The following PTP4A3 variants were observed in gnomAD, a reference collection of about 807,000 sequenced individuals.
PTP4A3 encodes the protein protein tyrosine phosphatase 4A3.
A neutral mutation model predicts 15.2 loss-of-function variants in PTP4A3; 9 were observed. The ratio of observed to expected loss-of-function variants is 0.59; its 90% CI spans 0.36 to 1.03. PTP4A3 has a LOEUF of 1.03. PTP4A3 is among the 50% of genes least tolerant of loss of function. The pLI is 0.02. For missense variants in PTP4A3, 234 were observed against 252.1 expected, an observed-to-expected ratio of 0.93 and a Z score of 0.49; for synonymous variants, 95 against 102.0, an observed-to-expected ratio of 0.93 and a Z score of 0.41.
chr8:141,409,048 T>A (rs1042154364), intron 1 of PTP4A3, among the ~76,000 whole-genome samples: 7 of 152,336 alleles, frequency 4.6e-5, no homozygotes, highest in South Asian at 4.1e-4. Flanking sequence ...GGCATTTGAT[T>A]CTGGAGGGTG....
At chr8:141,420,824 T>C (rs1833295872) in intron 1 of PTP4A3, among the ~76,000 whole-genome samples, 2 of 152,168 alleles carry the variant, frequency 1.3e-5, no homozygotes, top group Admixed American at 6.5e-5. Flanking sequence ...CACGGCCGCG[T>C]GTGGGGCCAG....
intron 1 of PTP4A3, among the ~76,000 whole-genome samples, chr8:141,395,835 C>T (rs1832437811): frequency 6.6e-6 from 1 of 152,122 alleles, no homozygotes; most frequent in Admixed American, 6.5e-5. Flanking sequence ...CTCCCATGCC[C>T]CCCGGCTCCT....
Position 141,426,963 on chromosome 8 carries a change from C to G in PTP4A3, c.223C>G (p.Pro75Ala), listed in dbSNP as rs972445016. 3.7e-6 allele frequency: 6 copies of G among 1,610,328 alleles called. No individual in the cohort carries two copies. The stretch of plus-strand genomic sequence containing the variant: ...GGACTGGCCGTTTGACGATGGGGCG[C>G]CCCCGCCCGGCAAGGTAGTGGAAGA... ...VVDWPFDDGA[P>A]PPGKVVEDWL... The change falls in exon 4 of 6, where the codon CCC (proline) becomes GCC (alanine). Residue 75 changes from proline to alanine, a missense_variant. Physicochemically the swap from Pro to Ala is conservative, Grantham distance 27. Transcript: ENST00000521578.
Position 141,421,380 on chromosome 8 carries a change from C to T in PTP4A3, c.-853-8C>T, listed in dbSNP as rs1419770004. ...CTTTCTATTCATTTCCTTCGTCTTT[C>T]CCCACAGATGCTGTGTGCTGTGGAC... On this transcript the variant is annotated splice_polypyrimidine_tract_variant and splice_region_variant and intron_variant, in intron 1 of 5. Coordinates refer to ENST00000521578, the MANE Select transcript of PTP4A3 (RefSeq NM_032611.3). 1 of 152,314 alleles carries T rather than the reference C, an allele frequency of 6.6e-6. No individual in the cohort carries two copies. The highest frequency in any genetic ancestry group is 1.5e-5 in the Non-Finnish European group (1 of 68,106). 9.4% of individuals were successfully genotyped at this position (152,314 alleles called of 1,614,324 possible).
chr8:141,424,512 C>T (rs1022165592), intron 2 of PTP4A3, among the ~76,000 whole-genome samples: 4 of 152,082 alleles, frequency 2.6e-5, no homozygotes, highest in Admixed American at 6.5e-5. Flanking sequence ...CAGCTGGGGT[C>T]GCTGTTCGGA....
Position 141,431,466 on chromosome 8 carries a change from A to C in PTP4A3, c.*422A>C. On this transcript the variant is annotated 3_prime_UTR_variant, in exon 6 of 6. Transcript: ENST00000521578. ...TGTTCTCGGCACCTTAAATTATTAG[A>C]CCCCGGGGCAGTCAGGTGCTCCGGA... The C allele has an allele frequency of 1.2e-5, 2 of 163,406 alleles. No individual in the cohort carries two copies. Among genetic ancestry groups the C allele is most frequent in the East Asian group, 1.8e-4 (1 of 5,490 alleles). 10.1% of individuals were successfully genotyped at this position (163,406 alleles called of 1,614,324 possible).
chr8:141,425,207 G>C lies in PTP4A3; in HGVS notation c.198+67G>C. 2 of 1,411,302 alleles carry C rather than the reference G, an allele frequency of 1.4e-6. No individual in the cohort carries two copies. The highest frequency in any genetic ancestry group is 2.0e-6 in the Non-Finnish European group (2 of 1,018,766). 87.4% of individuals were successfully genotyped at this position (1,411,302 alleles called of 1,614,324 possible). A position where few individuals can be genotyped will look rare whatever the true frequency, so the allele number is the denominator to read the frequency against. The stretch of plus-strand genomic sequence containing the variant: ...GGGGGAGGGTGGGGCGGGGGGCTCC[G>C]GGCCTGCGCAGAGGGTTTGGTGCCC... On this transcript the variant is annotated intron_variant, in intron 3 of 5. Coordinates refer to ENST00000521578, the MANE Select transcript of PTP4A3 (RefSeq NM_032611.3). This position sits in a 1 kb window ranked among gnomAD's most constrained non-coding sequence, Gnocchi z 4.2.
chr8:141,415,407 T>G (rs1833000212), intron 1 of PTP4A3, among the ~76,000 whole-genome samples: 1 of 150,816 alleles, frequency 6.6e-6, no homozygotes, highest in Non-Finnish European at 1.5e-5. Flanking sequence ...GGGACCGCCC[T>G]GTCCCCCGTG....
intron 1 of PTP4A3, among the ~76,000 whole-genome samples, chr8:141,393,340 T>C (rs1156500921): frequency 1.3e-5 from 2 of 152,178 alleles, no homozygotes; most frequent in Admixed American, 6.5e-5. Context: ...GAATTAGGCA[T>C]TGGGGATCTC....
chr8:141,396,090 G>A (rs532692900), intron 1 of PTP4A3, among the ~76,000 whole-genome samples: 10 of 152,302 alleles, frequency 6.6e-5, no homozygotes, highest in Admixed American at 3.3e-4. Flanking sequence ...CTGTAACCCC[G>A]TGCCATGTGA....
At chr8:141,429,432 C>T (rs1320088055) in intron 5 of PTP4A3, among the ~76,000 whole-genome samples, 1 of 152,270 alleles carries the variant, frequency 6.6e-6, no homozygotes. Context: ...GCAGCATCCT[C>T]TCCAGGAAGT....
chr8:141,425,766 T>G lies in PTP4A3; in HGVS notation c.198+626T>G, dbSNP rs933166466. Among the ~76,000 whole-genome samples, 1 of 152,184 alleles carries G rather than the reference T, an allele frequency of 6.6e-6. No individual in the cohort carries two copies. The highest frequency in any genetic ancestry group is 6.5e-5 in the Admixed American group (1 of 15,286). On this transcript the variant is annotated intron_variant, in intron 3 of 5. Coordinates refer to ENST00000521578, the MANE Select transcript of PTP4A3 (RefSeq NM_032611.3). The surrounding 1 kb of genome is among the most constrained non-coding windows in gnomAD (Gnocchi z 4.2). Reference sequence around the variant, plus strand: ...CTCCTCAGTGCGGAGCACCCCTCAGTCACTGCTTTTCATCCCAGGACTCTG... The same window carrying G: ...CTCCTCAGTGCGGAGCACCCCTCAGGCACTGCTTTTCATCCCAGGACTCTG...
chr8:141,424,228 C>A (rs572931595), intron 2 of PTP4A3, among the ~76,000 whole-genome samples: 2 of 152,202 alleles, frequency 1.3e-5, no homozygotes, highest in Non-Finnish European at 1.5e-5. Flanking sequence ...TGATTCCTCA[C>A]CCCTCCCAAA....
chr8:141,406,480 G>T lies in PTP4A3; in HGVS notation c.-854+14396G>T, dbSNP rs1832727017. Among the ~76,000 whole-genome samples the T allele has an allele frequency of 6.6e-6, 1 of 151,996 alleles. No homozygotes were observed. Among genetic ancestry groups the T allele is most frequent in the Admixed American group, 6.6e-5 (1 of 15,256 alleles). On this transcript the variant is annotated intron_variant, in intron 1 of 5. Transcript: ENST00000521578. This position sits in a 1 kb window ranked among gnomAD's most constrained non-coding sequence, Gnocchi z 4.5. ...AGCAGTTCCCTGGGGTGTCCCCCTG[G>T]GAAGTCCTGCCCTCCTGCCTCTGGC...
chr8:141,414,061 CGTGTGTGT>C (rs10571256), intron 1 of PTP4A3, among the ~76,000 whole-genome samples: 14 of 150,168 alleles, frequency 9.3e-5, no homozygotes, highest in African/African-American at 3.4e-4. Context: ...GTTTCTGTGG[CGTGTGTGT>C]GTGTGTGTGT....
intron 2 of PTP4A3, among the ~76,000 whole-genome samples, chr8:141,424,283 C>A (rs1034823777): frequency 1.3e-5 from 2 of 152,214 alleles, no homozygotes; most frequent in Non-Finnish European, 2.9e-5. Context: ...CCGCACGTGA[C>A]CCCTGTGGAG....
intron 1 of PTP4A3, among the ~76,000 whole-genome samples, chr8:141,404,341 G>T (rs1206515675): frequency 1.3e-5 from 2 of 152,278 alleles, no homozygotes; most frequent in Non-Finnish European, 2.9e-5. Context: ...CTTTCAGGGG[G>T]TTGGGGTAGA....
chr8:141,424,975 T>A, intron 2 of PTP4A3, 73 bp from the exon 3 acceptor site: 1 of 1,305,106 alleles, frequency 7.7e-7, no homozygotes, highest in Non-Finnish European at 1.1e-6. Context: ...CTGGGAGCCC[T>A]GGTGAGTGGG....
intron 1 of PTP4A3, among the ~76,000 whole-genome samples, chr8:141,419,487 C>T (rs890890426): frequency 7.2e-5 from 11 of 152,068 alleles, no homozygotes; most frequent in Admixed American, 2.6e-4. Context: ...TCCCTCCAGT[C>T]GGGCAAGGTG....
Sources: gnomAD v4.1 joint callset for allele counts (sites outside exome capture counted in the v4.1 genomes callset) on GRCh38, gnomAD v4.1.1 for gene constraint, Gnocchi (gnomAD v3.1) non-coding constraint, MANE v1.5 for transcripts, NCBI Gene and HGNC (gene_info 2026-07-23, HGNC 2026-07-21) for gene names.